TAS2R1: variants seen among roughly 807,000 people sequenced by gnomAD.
TAS2R1 encodes the protein taste receptor type 2 member 1.
For synonymous variants in TAS2R1, 141 were observed against 134.2 expected (o/e 1.05, Z -0.35); for missense variants, 370 against 353.4 (o/e 1.05, Z -0.38).
chr5:9,893,067 A>G, the TAS2R1 span, among the ~76,000 whole-genome samples: 3 of 152,198 alleles, frequency 2.0e-5, no homozygotes, highest in African/African-American at 7.2e-5. Context: ...TTTCTGGGAT[A>G]GGGTCCTGGC....
At position 9,629,866 on chromosome 5, in the gene TAS2R1, A is replaced by T. The variant is rs1281787651; in HGVS notation, c.167T>A (p.Ile56Asn). 6.2e-7 allele frequency: 1 copy of T among 1,613,762 alleles called. No homozygotes were observed. The highest frequency in any genetic ancestry group is 2.2e-5 in the East Asian group (1 of 44,878). The change falls in exon 1 of 1, where the codon ATT becomes AAT. Residue 56 changes from isoleucine (I) to asparagine (N), a missense_variant. Physicochemically the swap from Ile to Asn is moderately radical, Grantham distance 149 (BLOSUM62 -3). Transcript: ENST00000382492. Reference sequence around the variant, plus strand: ...GTAGAAGATGAACAACTGCAGAAAAATTCTAGAAACTGCCAGACAAGAAAG... The same window carrying T: ...GTAGAAGATGAACAACTGCAGAAAATTTCTAGAAACTGCCAGACAAGAAAG... The part of the protein sequence containing the change: ...LLLSCLAVSR[I>N]FLQLFIFYVN...
At chr5:9,759,591 A>G in the TAS2R1 span, among the ~76,000 whole-genome samples, 4,074 of 152,318 alleles carry the variant, frequency 0.027, 56 homozygotes, top group Non-Finnish European at 0.033. Flanking sequence ...TTTCCCCTGA[A>G]CAAAAACCAG....
the TAS2R1 span, among the ~76,000 whole-genome samples, chr5:9,834,356 G>C: frequency 6.6e-6 from 1 of 152,182 alleles, no homozygotes; most frequent in Non-Finnish European, 1.5e-5. Flanking sequence ...CACATGCAAG[G>C]TGCTTAAAAT....
At chr5:9,785,110 A>G in the TAS2R1 span, among the ~76,000 whole-genome samples, 1 of 152,144 alleles carries the variant, frequency 6.6e-6, no homozygotes, top group Non-Finnish European at 1.5e-5. Context: ...CTTATCTTAC[A>G]TGCCCTTTTC....
the TAS2R1 span, among the ~76,000 whole-genome samples, chr5:9,823,475 AAAGGG>A: frequency 7.4e-3 from 1,046 of 140,692 alleles, 4 homozygotes; most frequent in African/African-American, 0.022. Flanking sequence ...AAGGGAGGGA[AAAGGG>A]AAGGGAAGGG....
At chr5:9,854,940 CTAG>C in the TAS2R1 span, among the ~76,000 whole-genome samples, 1 of 152,170 alleles carries the variant, frequency 6.6e-6, no homozygotes, top group East Asian at 1.9e-4. Context: ...ATGGGTTCTG[CTAG>C]TACAACTCTG....
At chr5:9,752,241 C>T in the TAS2R1 span, among the ~76,000 whole-genome samples, 4 of 152,290 alleles carry the variant, frequency 2.6e-5, no homozygotes, top group East Asian at 7.7e-4. Flanking sequence ...GTTGAATGTG[C>T]AGATTCTTAT....
the TAS2R1 span, among the ~76,000 whole-genome samples, chr5:9,814,204 G>A: frequency 2.0e-5 from 3 of 152,088 alleles, no homozygotes; most frequent in Admixed American, 6.5e-5. Context: ...GAAGACAATG[G>A]GATCTGGCTA....
At chr5:9,873,408 CT>C in the TAS2R1 span, among the ~76,000 whole-genome samples, 2,175 of 143,588 alleles carry the variant, frequency 0.015, 11 homozygotes, top group Middle Eastern at 0.044. Flanking sequence ...AAGACCAGGC[CT>C]TTTTTTTTTT....
At chr5:9,679,547 A>G (rs1416884018) in intron 1 of TAS2R1, among the ~76,000 whole-genome samples, 1 of 152,226 alleles carries the variant, frequency 6.6e-6, no homozygotes, top group East Asian at 1.9e-4. Flanking sequence ...ACTGTACTCT[A>G]GTTGATAAAG....
the TAS2R1 span, among the ~76,000 whole-genome samples, chr5:9,856,447 A>G: frequency 6.6e-6 from 1 of 152,196 alleles, no homozygotes; most frequent in South Asian, 2.1e-4. Context: ...CCTCTCTCAC[A>G]TCTTTGCAGG....
At chr5:9,725,694 C>T in the TAS2R1 span, among the ~76,000 whole-genome samples, 2 of 152,214 alleles carry the variant, frequency 1.3e-5, no homozygotes, top group Non-Finnish European at 2.9e-5. Context: ...CACCGACCAC[C>T]CAAGGGCTGA....
chr5:9,721,122 C>A, the TAS2R1 span, among the ~76,000 whole-genome samples: 1 of 152,296 alleles, frequency 6.6e-6, no homozygotes, highest in African/African-American at 2.4e-5. Flanking sequence ...GGCAAAAATT[C>A]TCTGACAGGC....
intron 2 of TAS2R1, among the ~76,000 whole-genome samples, chr5:9,644,128 T>C (rs940066645): frequency 1.3e-5 from 2 of 152,130 alleles, no homozygotes; most frequent in African/African-American, 4.8e-5. Flanking sequence ...TGGGAACCCA[T>C]TGAAGTGTTT....
chr5:9,833,770 G>A, the TAS2R1 span, among the ~76,000 whole-genome samples: 1 of 152,154 alleles, frequency 6.6e-6, no homozygotes, highest in Non-Finnish European at 1.5e-5. Context: ...TGCTGTTTTG[G>A]TAGGTCAAGA....
the TAS2R1 span, among the ~76,000 whole-genome samples, chr5:9,724,352 T>C: frequency 6.6e-5 from 10 of 151,770 alleles, no homozygotes; most frequent in African/African-American, 2.2e-4. Context: ...TTCTTTTTTT[T>C]TTTTTTTTTT....
At chr5:9,851,906 A>G in the TAS2R1 span, among the ~76,000 whole-genome samples, 57 of 152,326 alleles carry the variant, frequency 3.7e-4, no homozygotes, top group African/African-American at 1.3e-3. Context: ...CTGCCTTTTA[A>G]AAGTCACTCC....
rs765487180 is a variant in TAS2R1, at chr5:9,645,872, C to T, written c.-81+13549G>A. ...TGTTCTCCTCAGAATATGTCAGCCT[C>T]AGAACCAGCCCTCACTTACTGCTGG... On this transcript the variant is annotated intron_variant, in intron 2 of 2. Transcript: ENST00000506620. Among the ~76,000 whole-genome samples, 4 of 152,150 alleles carry T rather than the reference C, an allele frequency of 2.6e-5. No homozygotes were observed. The South Asian group carries it at 6.2e-4, about 24-fold the overall frequency.
chr5:9,816,932 G>A, the TAS2R1 span, among the ~76,000 whole-genome samples: 747 of 152,024 alleles, frequency 4.9e-3, 2 homozygotes, highest in Non-Finnish European at 7.4e-3. Flanking sequence ...TCTGATCAGC[G>A]GTCTTTTAAA....
Sources: gnomAD v4.1 joint callset for allele counts (sites outside exome capture counted in the v4.1 genomes callset) on GRCh38, gnomAD v4.1.1 for gene constraint, MANE v1.5 for transcripts, NCBI Gene and HGNC (gene_info 2026-07-23, HGNC 2026-07-21) for gene names.